SLC12A9: variants seen among roughly 807,000 people sequenced by gnomAD.
The protein encoded by SLC12A9 is CCC-interacting protein 1.
A neutral mutation model predicts 66.0 loss-of-function variants in SLC12A9; 55 were observed. The ratio of observed to expected loss-of-function variants is 0.83; its 90% CI spans 0.67 to 1.04. The LOEUF is 1.04. Among genes scored for constraint, SLC12A9 ranks in the 50% least tolerant of loss-of-function variants. The pLI is 0.00. For missense variants in SLC12A9, 1,061 were observed against 1,241.9 expected, an observed-to-expected ratio of 0.85 and a Z score of 2.19; for synonymous variants, 577 against 569.0, an observed-to-expected ratio of 1.01 and a Z score of -0.20.
chr7:100,859,664 T>C (rs1377476579), intron 7 of SLC12A9: 9 of 570,250 alleles, frequency 1.6e-5, no homozygotes, highest in African/African-American at 3.8e-5. Context: ...TGAGCTATGA[T>C]TACAGCACTG....
At chr7:100,827,523 T>C (rs998312148) in intron 1 of SLC12A9, 3 of 140,176 alleles carry the variant, frequency 2.1e-5, no homozygotes, top group Admixed American at 7.0e-5. Flanking sequence ...GCGCTGGAAC[T>C]GGGCCGGGCG....
intron 12 of SLC12A9, among the ~76,000 whole-genome samples, chr7:100,862,433 A>G (rs1413068194): frequency 6.6e-6 from 1 of 152,062 alleles, no homozygotes; most frequent in Non-Finnish European, 1.5e-5. Context: ...TCATTTGTAG[A>G]GATGAGGTCT....
rs527289902 is a variant in SLC12A9, at chr7:100,857,230, C to G, written c.757+54C>G. ...CTCGGGGTGAGGGGTGGGCAGACGTCGGGCCGGGCCCGTAAAACCTCTGGA... is the reference window on the plus strand; with the variant it reads ...CTCGGGGTGAGGGGTGGGCAGACGTGGGGCCGGGCCCGTAAAACCTCTGGA... On this transcript the variant is annotated intron_variant, in intron 5 of 13. Coordinates refer to ENST00000354161, the MANE Select transcript of SLC12A9 (RefSeq NM_020246.4). 5.4e-3 allele frequency: 8,353 copies of G among 1,555,896 alleles called. 39 individuals are homozygous for G. The highest frequency in any genetic ancestry group is 6.0e-3 in the Non-Finnish European group (6,915 of 1,146,884).
chr7:100,837,166 C>T (rs559279474), intron 1 of SLC12A9: 2 of 152,228 alleles, frequency 1.3e-5, no homozygotes, highest in South Asian at 4.1e-4. Flanking sequence ...TGGTCTCGAA[C>T]ACCTGGGCTC....
At chr7:100,835,352 CT>C (rs1813629550) in intron 1 of SLC12A9, among the ~76,000 whole-genome samples, 1 of 122,006 alleles carries the variant, frequency 8.2e-6, no homozygotes. Context: ...GAGGCTCTGT[CT>C]TTAAAAAAAA....
At chr7:100,855,969 G>T in intron 4 of SLC12A9, 132 bp downstream of exon 4, 1 of 1,403,492 alleles carries the variant, frequency 7.1e-7, no homozygotes. Flanking sequence ...AGCTTCTGCT[G>T]TGTGGCCAGC....
intron 4 of SLC12A9, chr7:100,856,650 C>T (rs1486529717): frequency 3.7e-6 from 2 of 538,444 alleles, no homozygotes; most frequent in Admixed American, 3.2e-5. Flanking sequence ...AGTAGCTGGA[C>T]TACAGGCATG....
intron 1 of SLC12A9, among the ~76,000 whole-genome samples, chr7:100,829,153 A>G (rs1232032768): frequency 1.3e-5 from 2 of 151,998 alleles, no homozygotes; most frequent in Non-Finnish European, 2.9e-5. Flanking sequence ...AACCCCGGCT[A>G]GTTTTCGTAT....
chr7:100,860,313 G>A, intron 9 of SLC12A9, 81 bp downstream of exon 9: 3 of 1,447,690 alleles, frequency 2.1e-6, no homozygotes, highest in Non-Finnish European at 2.9e-6. Flanking sequence ...CAGGCTGGGA[G>A]ACAAATGTAA....
intron 1 of SLC12A9, among the ~76,000 whole-genome samples, chr7:100,830,115 G>C (rs1813513833): frequency 6.6e-6 from 1 of 152,220 alleles, no homozygotes; most frequent in Non-Finnish European, 1.5e-5. Context: ...ACTTTGGGAG[G>C]CCGAGGCAGG....
chr7:100,862,172 G>T (rs937166392), intron 12 of SLC12A9, among the ~76,000 whole-genome samples: 4 of 152,064 alleles, frequency 2.6e-5, no homozygotes, highest in African/African-American at 9.7e-5. Flanking sequence ...GGCCAAGCTA[G>T]TCTCGAACTC....
At chr7:100,837,822 A>G (rs570347309) in intron 1 of SLC12A9, among the ~76,000 whole-genome samples, 1 of 133,726 alleles carries the variant, frequency 7.5e-6, no homozygotes, top group East Asian at 2.1e-4. Context: ...ATTTTATTTC[A>G]TCTATTTATT....
intron 4 of SLC12A9, 129 bp downstream of exon 4, chr7:100,855,966 G>C: frequency 7.1e-7 from 1 of 1,417,892 alleles, no homozygotes; most frequent in Non-Finnish European, 9.4e-7. Context: ...TGGAGCTTCT[G>C]CTGTGTGGCC....
rs1256002930 is a variant in SLC12A9 at position 100,865,440 on chromosome 7, T to C, written c.1859-279T>C. On this transcript the variant is annotated intron_variant, in intron 13 of 13. Coordinates refer to ENST00000354161, the MANE Select transcript of SLC12A9 (RefSeq NM_020246.4). ...GACAGCATCCTCCTCTCCATAGAAT[T>C]GGAGTGCTCATTAGTGGCAAGAATC... The C allele has an allele frequency of 3.3e-6, 5 of 1,536,010 alleles. No individual in the cohort carries two copies. The African/African-American group carries it at 5.5e-5, about 17-fold the overall frequency.
At chr7:100,848,612 C>T (rs551472903), upstream of SLC12A9, among the ~76,000 whole-genome samples, 128 of 152,128 alleles carry the variant, frequency 8.4e-4, no homozygotes, top group Middle Eastern at 0.01. Context: ...AGAGGTTGGG[C>T]GCAGTGGTTC....
intron 1 of SLC12A9, among the ~76,000 whole-genome samples, chr7:100,833,793 T>TGTG (rs1410303085): frequency 6.6e-6 from 1 of 150,568 alleles, no homozygotes; most frequent in Non-Finnish European, 1.5e-5. Flanking sequence ...ATTAGCCGGG[T>TGTG]GTGGTGGTGG....
chr7:100,834,612 G>A (rs80279315), intron 1 of SLC12A9, among the ~76,000 whole-genome samples: 5,369 of 152,138 alleles, frequency 0.035, 335 homozygotes, highest in African/African-American at 0.12. Flanking sequence ...GTTGGGTGCG[G>A]TGGCTCACAC....
chr7:100,864,372 A>G lies in SLC12A9; in HGVS notation c.1859-1347A>G, dbSNP rs1814946815. The stretch of plus-strand genomic sequence containing the variant: ...CTGGGATGCCATTTTAATGGGGGAA[A>G]AAAAGAACCACAATTACTTTTGCAC... On this transcript the variant is annotated intron_variant, in intron 13 of 13. Coordinates refer to ENST00000354161, the MANE Select transcript of SLC12A9 (RefSeq NM_020246.4). 2.0e-5 allele frequency among the ~76,000 whole-genome samples: 3 copies of G among 152,156 alleles called. No homozygotes were observed. The South Asian group carries it at 6.2e-4, about 32-fold the overall frequency.
rs141933703 is a variant in SLC12A9, at chr7:100,865,789, G to A, written c.1929G>A (p.Thr643=). ...CTCCACCGCAGGACCATTTCCTGAC[G>A]GACCCGGCTTTCTCTGAGCCTGCAG... ...DDAPPQDHFL[T]DPAFSEPADS... The change falls in exon 14 of 14, where the codon ACG becomes ACA. Residue 643 remains threonine (T), a synonymous_variant. Coordinates refer to ENST00000354161, the MANE Select transcript of SLC12A9 (RefSeq NM_020246.4). 1,359 of 1,614,008 alleles carry A rather than the reference G, an allele frequency of 8.4e-4. 3 individuals are homozygous for A. Among genetic ancestry groups the A allele is most frequent in the Non-Finnish European group, 1.1e-3 (1,248 of 1,180,006 alleles).
Sources: allele counts gnomAD v4.1 joint callset (sites outside exome capture counted in the v4.1 genomes callset), GRCh38; gene constraint gnomAD v4.1.1; transcripts MANE v1.5; gene names NCBI Gene and HGNC (gene_info 2026-07-23, HGNC 2026-07-21).